Variants in PTPRF observed in about 807,000 individuals in gnomAD.
PTPRF encodes the protein protein tyrosine phosphatase receptor type F.
Under a neutral mutation model 201.8 loss-of-function variants are expected in PTPRF, and 59 were observed. The observed-to-expected ratio is 0.29, with a 90% CI of 0.24 to 0.36. The LOEUF (loss-of-function observed/expected upper bound fraction) is 0.36, where lower values mean the gene tolerates loss of function less well. Ranked by LOEUF, PTPRF falls within the 10% of genes least tolerant of loss-of-function variation. The pLI, the probability that PTPRF is intolerant of heterozygous loss-of-function variation, is 1.00. For missense variants in PTPRF, 2,132 were observed against 2,690.5 expected, an observed-to-expected ratio of 0.79 and a Z score of 4.59; for synonymous variants, 1,088 against 1,089.7, an observed-to-expected ratio of 1.00 and a Z score of 0.03.
chr1:43,570,370 C>T (rs1191318048), intron 6 of PTPRF, among the ~76,000 whole-genome samples: 1 of 152,234 alleles, frequency 6.6e-6, no homozygotes, highest in East Asian at 1.9e-4. Flanking sequence ...CTGTGAGGCT[C>T]CTGCCAGGAT....
At chr1:43,583,923 A>G (rs1378073718) in intron 7 of PTPRF, among the ~76,000 whole-genome samples, 1 of 152,198 alleles carries the variant, frequency 6.6e-6, no homozygotes, top group African/African-American at 2.4e-5. Flanking sequence ...GATGCTTTGC[A>G]TTCAGACTCA....
intron 5 of PTPRF, among the ~76,000 whole-genome samples, chr1:43,560,557 AG>A (rs996413557): frequency 6.6e-6 from 1 of 152,098 alleles, no homozygotes; most frequent in African/African-American, 2.4e-5. Flanking sequence ...CCCGAGCTGA[AG>A]TGTGGTGGGG....
intron 7 of PTPRF, chr1:43,579,202 A>C: frequency 1.6e-6 from 1 of 631,226 alleles, no homozygotes; most frequent in Non-Finnish European, 3.0e-6. Context: ...CCGGAGCCCC[A>C]TGGGAATTTG....
rs576382748 is a variant in PTPRF, at chr1:43,609,596, C to T, written c.3973+98C>T. ...AGGGTCGCCACTGAAGTTCCTGGGC[C>T]GCATGCACTTGTTCCTGCTCCTTTT... is the stretch of plus-strand genomic sequence containing the variant. On this transcript the variant is annotated intron_variant, in intron 22 of 33. Transcript: ENST00000359947. 124 of 809,672 alleles carry T rather than the reference C, an allele frequency of 1.5e-4. 1 individual carries two copies. Among genetic ancestry groups the T allele is most frequent in the African/African-American group, 1.4e-3 (84 of 58,252 alleles). 50.2% of individuals were successfully genotyped at this position (809,672 alleles called of 1,614,324 possible).
At position 43,530,950 on chromosome 1, in the gene PTPRF, G is replaced by A. The variant is rs1643399692; in HGVS notation, c.-266G>A. On this transcript the variant is annotated 5_prime_UTR_variant, in exon 1 of 34. Coordinates refer to ENST00000359947, the MANE Select transcript of PTPRF (RefSeq NM_002840.5). This position sits in a 1 kb window ranked among gnomAD's most constrained non-coding sequence, Gnocchi z 4.1. The stretch of plus-strand genomic sequence containing the variant: ...GGCTCCGGCTCGGGCTCGGGCTCCG[G>A]CTCCGGCTCCGGCTCCGGCTCCAGC... 3 of 157,278 alleles carry A rather than the reference G, an allele frequency of 1.9e-5. No individual in the cohort carries two copies. The highest frequency in any genetic ancestry group is 2.8e-5 in the Non-Finnish European group (2 of 72,054). The allele number at this position is 157,278 out of a possible 1,614,324, so 9.7% of individuals were successfully genotyped here. A position where few individuals can be genotyped will look rare whatever the true frequency, so the allele number is the denominator to read the frequency against.
chr1:43,597,692 G>T, intron 11 of PTPRF, 56 bp from the exon 12 acceptor site: 1 of 1,227,584 alleles, frequency 8.1e-7, no homozygotes. Context: ...CTCAGTCATT[G>T]TGCCTGTGAT....
At chr1:43,606,527 CA>C in intron 20 of PTPRF, 69 bp downstream of exon 20, 1 of 1,423,220 alleles carries the variant, frequency 7.0e-7, no homozygotes, top group Non-Finnish European at 9.7e-7. Context: ...ATGCCAGTCT[CA>C]AACACCACAA....
Position 43,554,055 on chromosome 1 carries a change from C to A in PTPRF, c.379+114C>A. 7.1e-7 allele frequency: 1 copy of A among 1,405,992 alleles called. No homozygotes were observed. The highest frequency in any genetic ancestry group is 9.6e-7 in the Non-Finnish European group (1 of 1,037,090). 87.1% of individuals were successfully genotyped at this position (1,405,992 alleles called of 1,614,324 possible). A position where few individuals can be genotyped will look rare whatever the true frequency, so the allele number is the denominator to read the frequency against. Reference sequence around the variant, plus strand: ...GCATTTGGCAGAAAGGAGGACTGGCCACCTCGGGGTCAGTGAAAGTCAGTG... The same window carrying A: ...GCATTTGGCAGAAAGGAGGACTGGCAACCTCGGGGTCAGTGAAAGTCAGTG... On this transcript the variant is annotated intron_variant, in intron 5 of 33. Coordinates refer to ENST00000359947, the MANE Select transcript of PTPRF (RefSeq NM_002840.5). This position sits in a 1 kb window ranked among gnomAD's most constrained non-coding sequence, Gnocchi z 4.1.
rs151027987 is a variant in PTPRF at position 43,573,204 on chromosome 1, C to G, written c.568+3426C>G. Among the ~76,000 whole-genome samples, 464 of 152,196 alleles carry G rather than the reference C, an allele frequency of 3.0e-3. 18 individuals carry two copies. In the East Asian group the frequency reaches 0.061, roughly 20 times the overall value. The stretch of plus-strand genomic sequence containing the variant: ...TAGGCCCAGGAGGAACAGGAACAAG[C>G]TTATAGAGTGGAAATGGAGTTGTGA... On this transcript the variant is annotated intron_variant, in intron 6 of 33. Coordinates refer to ENST00000359947, the MANE Select transcript of PTPRF (RefSeq NM_002840.5).
At chr1:43,611,250 T>A (rs564490529) in intron 22 of PTPRF, among the ~76,000 whole-genome samples, 1 of 152,226 alleles carries the variant, frequency 6.6e-6, no homozygotes, top group Non-Finnish European at 1.5e-5. Flanking sequence ...CCCAGCATGA[T>A]TAGATCTCTG....
At chr1:43,543,090 A>T (rs1234114687) in intron 2 of PTPRF, among the ~76,000 whole-genome samples, 1 of 152,148 alleles carries the variant, frequency 6.6e-6, no homozygotes, top group African/African-American at 2.4e-5. Flanking sequence ...TTATAAACTC[A>T]TGTGTCTCAT....
rs1326758203 is a variant in PTPRF at position 43,564,751 on chromosome 1, C to T, written c.380-4839C>T. Among the ~76,000 whole-genome samples the T allele has an allele frequency of 2.6e-5, 4 of 152,110 alleles. No individual in the cohort carries two copies. The East Asian group carries it at 7.7e-4, about 29-fold the overall frequency. ...CTGTGTCTGTGTGTGCGGGTGCGTG[C>T]CTGCGTTTGCACGGAGACGCCACGA... On this transcript the variant is annotated intron_variant, in intron 5 of 33. Transcript: ENST00000359947.
At chr1:43,547,803 A>T (rs115375519) in intron 3 of PTPRF, among the ~76,000 whole-genome samples, 1 of 152,150 alleles carries the variant, frequency 6.6e-6, no homozygotes, top group African/African-American at 2.4e-5. Context: ...GCTCCAGTGG[A>T]GATTTGGGCA....
In PTPRF at chr1:43,553,814, T is replaced by C. The variant is rs1645179529; in HGVS notation, c.252T>C (p.Asp84=). ...SSQRFEVIEF[D]DGAGSVLRIQ... ...TCCTCTGACAGGTCATTGAGTTTGA[T>C]GATGGGGCAGGGTCAGTGCTTCGGA... Residue 84 remains aspartate (D), a synonymous_variant, in exon 5 of 34, where the codon GAT becomes GAC. Transcript: ENST00000359947. The surrounding 1 kb of genome is among the most constrained non-coding windows in gnomAD (Gnocchi z 4.1). The C allele has an allele frequency of 6.2e-7, 1 of 1,614,052 alleles. No individual in the cohort carries two copies. Among genetic ancestry groups the C allele is most frequent in the Non-Finnish European group, 8.5e-7 (1 of 1,180,036 alleles).
chr1:43,570,513 G>A (rs555163884), intron 6 of PTPRF, among the ~76,000 whole-genome samples: 1 of 152,382 alleles, frequency 6.6e-6, no homozygotes, highest in Non-Finnish European at 1.5e-5. Flanking sequence ...TGCTAGCTAT[G>A]GGATGGTTGG....
chr1:43,577,880 A>G (rs1363690977), intron 6 of PTPRF, among the ~76,000 whole-genome samples: 2 of 152,126 alleles, frequency 1.3e-5, no homozygotes, highest in Non-Finnish European at 2.9e-5. Flanking sequence ...TGTGTCTGTC[A>G]CAGACAGCTT....
At chr1:43,575,363 G>A (rs1173643485) in intron 6 of PTPRF, among the ~76,000 whole-genome samples, 1 of 152,156 alleles carries the variant, frequency 6.6e-6, no homozygotes, top group East Asian at 1.9e-4. Context: ...TCTGTCTCTG[G>A]GCTGTGAGTT....
At chr1:43,567,826 C>T (rs529985422) in intron 5 of PTPRF, among the ~76,000 whole-genome samples, 8 of 152,228 alleles carry the variant, frequency 5.3e-5, no homozygotes, top group Non-Finnish European at 1.0e-4. Context: ...TGTTCCCATA[C>T]ACCCATCTTG....
At chr1:43,614,583 G>A (rs189093846) in intron 23 of PTPRF, among the ~76,000 whole-genome samples, 2 of 152,300 alleles carry the variant, frequency 1.3e-5, no homozygotes, top group African/African-American at 2.4e-5. Flanking sequence ...AGGCGCAGTC[G>A]CTCACGCCTG....
Sources: allele counts gnomAD v4.1 joint callset (sites outside exome capture counted in the v4.1 genomes callset), GRCh38; gene constraint gnomAD v4.1.1; non-coding constraint Gnocchi (gnomAD v3.1); transcripts MANE v1.5; gene names NCBI Gene and HGNC (gene_info 2026-07-23, HGNC 2026-07-21).